Variants in NRG2 observed in about 807,000 individuals in gnomAD.
NRG2 encodes neuregulin 2, also known as pro-neuregulin-2, membrane-bound isoform.
NRG2 carries 27 observed loss-of-function variants against 73.9 expected under a neutral mutation model. The ratio of observed to expected loss-of-function variants is 0.37; its 90% CI spans 0.27 to 0.50. The LOEUF (loss-of-function observed/expected upper bound fraction) is 0.50. Among genes scored for constraint, NRG2 ranks in the 20% least tolerant of loss-of-function variants. The probability of loss-of-function intolerance (pLI) is 0.96; values close to 1 mark genes in which losing one functional copy is unlikely to be tolerated. For missense variants in NRG2, 1,126 were observed against 1,210.1 expected (o/e 0.93, Z 1.03); for synonymous variants, 532 against 541.0 (o/e 0.98, Z 0.23).
At chr5:140,001,740 G>T (rs1382650802) in intron 1 of NRG2, among the ~76,000 whole-genome samples, 1 of 151,722 alleles carries the variant, frequency 6.6e-6, no homozygotes, top group African/African-American at 2.4e-5. Context: ...CCATGTACCT[G>T]CAGTCCTAGC....
At chr5:139,953,395 C>T (rs1389388044) in intron 1 of NRG2, among the ~76,000 whole-genome samples, 2 of 152,302 alleles carry the variant, frequency 1.3e-5, no homozygotes, top group African/African-American at 4.8e-5. Context: ...TGAAGCCAGG[C>T]ATTCTGGATG....
Position 139,865,673 on chromosome 5 carries a change from G to A in NRG2, c.1113-48C>T, listed in dbSNP as rs753592539. Reference sequence around the variant, plus strand: ...ATCACAGAACAAACTGGCATCATCCGCGAGGCTAAGGTTAGAAATCAAAGT... The same window carrying A: ...ATCACAGAACAAACTGGCATCATCCACGAGGCTAAGGTTAGAAATCAAAGT... On this transcript the variant is annotated intron_variant, in intron 4 of 9. Coordinates refer to ENST00000361474, the MANE Select transcript of NRG2 (RefSeq NM_004883.3). The surrounding 1 kb of genome is among the most constrained non-coding windows in gnomAD (Gnocchi z 5.2). 23 of 1,503,590 alleles carry A rather than the reference G, an allele frequency of 1.5e-5. No homozygotes were observed. Among genetic ancestry groups the A allele is most frequent in the Admixed American group, 5.7e-5 (3 of 52,244 alleles). The allele number at this position is 1,503,590 out of a possible 1,614,324, so 93.1% of individuals were successfully genotyped here.
At chr5:139,895,469 G>GTTCTT (rs1476618404) in intron 1 of NRG2, among the ~76,000 whole-genome samples, 1 of 152,212 alleles carries the variant, frequency 6.6e-6, no homozygotes, top group Non-Finnish European at 1.5e-5. Flanking sequence ...GTCTCCCTGG[G>GTTCTT]TTCTTAGCAG....
chr5:139,993,241 A>G (rs1339984485), intron 1 of NRG2, among the ~76,000 whole-genome samples: 4 of 152,216 alleles, frequency 2.6e-5, no homozygotes. Context: ...CATTGACATT[A>G]GGATAAAATC....
At chr5:140,014,378 A>G (rs1484549334) in intron 1 of NRG2, among the ~76,000 whole-genome samples, 1 of 152,104 alleles carries the variant, frequency 6.6e-6, no homozygotes, top group Non-Finnish European at 1.5e-5. Flanking sequence ...CTATAACTAC[A>G]GGCATGCACC....
chr5:139,955,328 G>A (rs982807895), intron 1 of NRG2, among the ~76,000 whole-genome samples: 1 of 152,146 alleles, frequency 6.6e-6, no homozygotes, highest in Non-Finnish European at 1.5e-5. Flanking sequence ...AGGGAGAGGT[G>A]TTGCAGAGAG....
At chr5:140,001,610 C>T (rs1446230792) in intron 1 of NRG2, among the ~76,000 whole-genome samples, 2 of 151,788 alleles carry the variant, frequency 1.3e-5, no homozygotes, top group Non-Finnish European at 2.9e-5. Flanking sequence ...GTGTGTAATC[C>T]TAACACTTTG....
chr5:139,998,540 T>G (rs952136449), intron 1 of NRG2, among the ~76,000 whole-genome samples: 5 of 152,186 alleles, frequency 3.3e-5, no homozygotes, highest in Non-Finnish European at 1.5e-5. Flanking sequence ...GAAGATAGCC[T>G]GCCTCACGCC....
At chr5:139,923,795 T>G (rs1751852860) in intron 1 of NRG2, among the ~76,000 whole-genome samples, 1 of 152,116 alleles carries the variant, frequency 6.6e-6, no homozygotes, top group African/African-American at 2.4e-5. Context: ...TGGGACCCAT[T>G]TGGCCTGCTC....
In NRG2 at chr5:140,007,649, T is replaced by C. The variant is rs185507631; in HGVS notation, c.700+34721A>G. ...TTTAGACTTCACTTCCAAGTATCTTTAGGGTAGGAGAAAAAGGAAGAGCTC... is the reference window on the plus strand; with the variant it reads ...TTTAGACTTCACTTCCAAGTATCTTCAGGGTAGGAGAAAAAGGAAGAGCTC... On this transcript the variant is annotated intron_variant, in intron 1 of 9. Coordinates refer to ENST00000361474, the MANE Select transcript of NRG2 (RefSeq NM_004883.3). Among the ~76,000 whole-genome samples the C allele has an allele frequency of 3.3e-5, 5 of 152,316 alleles. No individual in the cohort carries two copies. In the South Asian group the frequency reaches 6.2e-4, roughly 19 times the overall value.
chr5:139,848,215 G>T lies in NRG2; in HGVS notation c.2255C>A (p.Ala752Glu), dbSNP rs999727669. 164 of 1,237,910 alleles carry T rather than the reference G, an allele frequency of 1.3e-4. No homozygotes were observed. The highest frequency in any genetic ancestry group is 1.5e-4 in the Non-Finnish European group (149 of 992,976). 76.7% of individuals were successfully genotyped at this position (1,237,910 alleles called of 1,614,324 possible). ...RWRRSRLNGL[A>E]AQRARAARDS... ...CCTCGCCGCCCGTGCGCGCTGCGCC[G>T]CCAGCCCGTTGAGGCGCGAGCGGCG... The change falls in exon 10 of 10, where the codon GCG (alanine) becomes GAG (glutamate). Residue 752 changes from alanine (A) to glutamate (E), a missense_variant. Transcript: ENST00000361474.
chr5:139,966,362 A>G (rs1755518510), intron 1 of NRG2, among the ~76,000 whole-genome samples: 1 of 152,226 alleles, frequency 6.6e-6, no homozygotes, highest in African/African-American at 2.4e-5. Flanking sequence ...CCACGAAACA[A>G]ATAAACAAAA....
chr5:139,919,287 C>A, intron 1 of NRG2, among the ~76,000 whole-genome samples: 1 of 152,006 alleles, frequency 6.6e-6, no homozygotes, highest in South Asian at 2.1e-4. Context: ...GGAACTGGTC[C>A]TTATGTTTAG....
chr5:140,033,870 A>C (rs1165566339), intron 1 of NRG2, among the ~76,000 whole-genome samples: 1 of 152,216 alleles, frequency 6.6e-6, no homozygotes, highest in Non-Finnish European at 1.5e-5. Flanking sequence ...AATTCTATAA[A>C]GTGCCATCAC....
chr5:140,030,074 T>C (rs572070502), intron 1 of NRG2, among the ~76,000 whole-genome samples: 1 of 152,322 alleles, frequency 6.6e-6, no homozygotes, highest in Non-Finnish European at 1.5e-5. Flanking sequence ...AGTTATGTCA[T>C]TGGATTACTC....
At chr5:139,987,261 T>G (rs1296063511) in intron 1 of NRG2, among the ~76,000 whole-genome samples, 1 of 145,092 alleles carries the variant, frequency 6.9e-6, no homozygotes, top group Non-Finnish European at 1.5e-5. Flanking sequence ...GCGCCTGTAG[T>G]CCCTGATGAG....
chr5:140,029,148 A>C (rs1760933703), intron 1 of NRG2, among the ~76,000 whole-genome samples: 1 of 152,226 alleles, frequency 6.6e-6, no homozygotes. Context: ...TATAACAAAT[A>C]ACTGTTGCTG....
chr5:139,852,356 G>A lies in NRG2; in HGVS notation c.1544+76C>T. 1 of 1,552,610 alleles carries A rather than the reference G, an allele frequency of 6.4e-7. No individual in the cohort carries two copies. Among genetic ancestry groups the A allele is most frequent in the East Asian group, 2.3e-5 (1 of 44,396 alleles). On this transcript the variant is annotated intron_variant, in intron 8 of 9. Transcript: ENST00000361474. The surrounding 1 kb of genome is among the most constrained non-coding windows in gnomAD (Gnocchi z 4.4). ...GGGAGGGTATTGAATAGCTCTGGATGTCGGAGTAAGTGGGCACTTTGCGCC... is the reference window on the plus strand; with the variant it reads ...GGGAGGGTATTGAATAGCTCTGGATATCGGAGTAAGTGGGCACTTTGCGCC...
At chr5:140,007,577 C>T (rs1759010799) in intron 1 of NRG2, among the ~76,000 whole-genome samples, 1 of 152,076 alleles carries the variant, frequency 6.6e-6, no homozygotes. Flanking sequence ...TGTACATTCT[C>T]CTTCTGCATC....
Sources: gnomAD v4.1 joint callset for allele counts (sites outside exome capture counted in the v4.1 genomes callset) on GRCh38, gnomAD v4.1.1 for gene constraint, Gnocchi (gnomAD v3.1) non-coding constraint, MANE v1.5 for transcripts, NCBI Gene and HGNC (gene_info 2026-07-23, HGNC 2026-07-21) for gene names.